Variants in PARD3B observed in about 807,000 individuals in gnomAD.
The protein encoded by PARD3B is partitioning defective 3 homolog B.
A neutral mutation model predicts 130.2 loss-of-function variants in PARD3B; 103 were observed. The observed-to-expected ratio is 0.79, with a 90% CI of 0.67 to 0.93. The LOEUF (loss-of-function observed/expected upper bound fraction) is 0.93. Ranked by LOEUF, PARD3B falls within the 40% of genes least tolerant of loss-of-function variation. The pLI is 0.00. For synonymous variants in PARD3B, 583 were observed against 553.2 expected (o/e 1.05, Z -0.76); for missense variants, 1,609 against 1,499.2 (o/e 1.07, Z -1.21).
intron 4 of PARD3B, among the ~76,000 whole-genome samples, chr2:205,073,849 A>G (rs1338572624): frequency 6.6e-6 from 1 of 152,166 alleles, no homozygotes. Flanking sequence ...AATATAAACA[A>G]TGATCCCCAG....
chr2:205,272,013 C>T (rs1294772532), intron 16 of PARD3B, among the ~76,000 whole-genome samples: 2 of 151,980 alleles, frequency 1.3e-5, no homozygotes, highest in Non-Finnish European at 2.9e-5. Context: ...CAAAAATTAG[C>T]CAGGCATGGT....
intron 11 of PARD3B, among the ~76,000 whole-genome samples, chr2:205,165,722 AAAAT>A (rs71032449): frequency 0.071 from 10,371 of 145,702 alleles, 383 homozygotes; most frequent in African/African-American, 0.09. Flanking sequence ...CTCTGTCTCA[AAAAT>A]AAATAAATAA....
At chr2:205,478,661 T>C (rs1428442282) in intron 20 of PARD3B, among the ~76,000 whole-genome samples, 3 of 152,222 alleles carry the variant, frequency 2.0e-5, no homozygotes, top group African/African-American at 7.2e-5. Context: ...GAAAACTTTA[T>C]TAATCAGAGT....
intron 21 of PARD3B, among the ~76,000 whole-genome samples, chr2:205,529,987 T>C (rs904258569): frequency 6.6e-6 from 1 of 152,042 alleles, no homozygotes; most frequent in Non-Finnish European, 1.5e-5. Flanking sequence ...TAACAGATCA[T>C]AGAGAAACTA....
intron 22 of PARD3B, among the ~76,000 whole-genome samples, chr2:205,587,829 T>G (rs558135165): frequency 1.3e-5 from 2 of 152,240 alleles, no homozygotes; most frequent in African/African-American, 2.4e-5. Flanking sequence ...CCCTTCTCTT[T>G]TCCCAGCTTC....
intron 2 of PARD3B, among the ~76,000 whole-genome samples, chr2:204,780,887 A>T (rs1354807581): frequency 6.6e-6 from 1 of 152,168 alleles, no homozygotes; most frequent in Non-Finnish European, 1.5e-5. Context: ...AAAGAAAAAA[A>T]AAAAGATATG....
At chr2:205,223,222 A>C (rs1411880713) in intron 15 of PARD3B, among the ~76,000 whole-genome samples, 1 of 152,316 alleles carries the variant, frequency 6.6e-6, no homozygotes, top group South Asian at 2.1e-4. Context: ...TGGAAAAGGT[A>C]AAAAGGGTAC....
intron 10 of PARD3B, among the ~76,000 whole-genome samples, chr2:205,133,670 T>C (rs2032217145): frequency 6.6e-6 from 1 of 152,200 alleles, no homozygotes; most frequent in African/African-American, 2.4e-5. Flanking sequence ...CTGTGAAATT[T>C]TTTAAGCCCA....
chr2:205,157,210 A>T (rs1364447928), intron 10 of PARD3B, among the ~76,000 whole-genome samples: 26 of 152,326 alleles, frequency 1.7e-4, no homozygotes, highest in Admixed American at 1.7e-3. Flanking sequence ...AATGTTATGG[A>T]TTCTAAATTG....
chr2:205,078,570 AT>A lies in PARD3B; in HGVS notation c.505-25849del, dbSNP rs1043559368. Among the ~76,000 whole-genome samples, 2 of 152,114 alleles carry A rather than the reference AT, an allele frequency of 1.3e-5. No homozygotes were observed. The highest frequency in any genetic ancestry group is 2.4e-5 in the African/African-American group (1 of 41,412). On this transcript the variant is annotated intron_variant, in intron 4 of 22. Coordinates refer to ENST00000406610, the MANE Select transcript of PARD3B (RefSeq NM_001302769.2). The surrounding 1 kb of genome is among the most constrained non-coding windows in gnomAD (Gnocchi z 4.0). The stretch of plus-strand genomic sequence containing the variant: ...GTAGTATTTTGCTTAAATTCATGTA[AT>A]TTTTTTAATCCATAGGGTAAGTGTG...
At position 205,172,337 on chromosome 2, in the gene PARD3B, A is replaced by G; in HGVS notation, c.1747A>G (p.Met583Val). 1.2e-6 allele frequency: 2 copies of G among 1,614,132 alleles called. No homozygotes were observed. The highest frequency in any genetic ancestry group is 1.7e-6 in the Non-Finnish European group (2 of 1,179,996). The change falls in exon 12 of 23, where the codon ATG becomes GTG. Residue 583 changes from methionine (M) to valine (V), a missense_variant. Physicochemically the swap from Met to Val is conservative, Grantham distance 21. Transcript: ENST00000406610. ...GTCCATGGAGGGAAACATCCGAGGG[A>G]TGATCCAGTTGGTGATTCTGAGGAG... is the stretch of plus-strand genomic sequence containing the variant. ...SMSMEGNIRG[M>V]IQLVILRRPE... is the part of the protein sequence containing the mutation.
At chr2:205,452,990 C>T (rs2048156445) in intron 20 of PARD3B, among the ~76,000 whole-genome samples, 2 of 152,104 alleles carry the variant, frequency 1.3e-5, no homozygotes, top group Admixed American at 6.6e-5. Context: ...ATGACCTGAT[C>T]CTTAGGATAT....
chr2:205,182,536 G>A (rs568141574), intron 13 of PARD3B, among the ~76,000 whole-genome samples: 31 of 151,950 alleles, frequency 2.0e-4, no homozygotes, highest in East Asian at 5.8e-4. Flanking sequence ...AGAGGAACAC[G>A]AGGAGAAAGT....
intron 18 of PARD3B, among the ~76,000 whole-genome samples, chr2:205,400,567 G>A (rs562668180): frequency 1.2e-4 from 19 of 152,048 alleles, no homozygotes; most frequent in Admixed American, 6.5e-4. Context: ...CTTGAACCCC[G>A]GGTAGCAGAG....
At position 205,258,846 on chromosome 2, in the gene PARD3B, T is replaced by A. The variant is rs1453138602; in HGVS notation, c.2185+13024T>A. On this transcript the variant is annotated intron_variant, in intron 16 of 22. Transcript: ENST00000406610. The surrounding 1 kb of genome is among the most constrained non-coding windows in gnomAD (Gnocchi z 4.9). ...AATTACTAGCATATTTAGATTTATG[T>A]TTTATTTTCAGTTTTAAATTTGGAC... Among the ~76,000 whole-genome samples the A allele has an allele frequency of 6.6e-6, 1 of 152,224 alleles. No individual in the cohort carries two copies. Among genetic ancestry groups the A allele is most frequent in the Non-Finnish European group, 1.5e-5 (1 of 68,048 alleles).
At chr2:205,189,998 A>G (rs138959570) in intron 14 of PARD3B, among the ~76,000 whole-genome samples, 2 of 152,370 alleles carry the variant, frequency 1.3e-5, no homozygotes, top group Non-Finnish European at 2.9e-5. Context: ...GGACATAATC[A>G]GATGTGTACA....
chr2:204,572,317 A>G (rs748041642), intron 1 of PARD3B, among the ~76,000 whole-genome samples: 18 of 152,128 alleles, frequency 1.2e-4, no homozygotes, highest in Non-Finnish European at 2.4e-4. Context: ...GGAGGAGGAA[A>G]AGGAGGGGAG....
Position 205,224,296 on chromosome 2 carries a change from A to C in PARD3B, c.2141-21482A>C, listed in dbSNP as rs577242271. On this transcript the variant is annotated intron_variant, in intron 15 of 22. Coordinates refer to ENST00000406610, the MANE Select transcript of PARD3B (RefSeq NM_001302769.2). ...TGAGGCAGGAGAATGGTGTGAGCCC[A>C]GGAGGTGGAGCTTGCAGTGAGCGGA... Among the ~76,000 whole-genome samples the C allele has an allele frequency of 5.4e-3, 688 of 127,018 alleles. 12 individuals carry two copies. Among genetic ancestry groups the C allele is most frequent in the African/African-American group, 0.02 (649 of 33,188 alleles). The allele number at this position is 127,018 out of a possible 152,430, so 83.3% of individuals were successfully genotyped here. A position where few individuals can be genotyped will look rare whatever the true frequency, so the allele number is the denominator to read the frequency against.
At chr2:205,243,333 C>T (rs1305443059) in intron 15 of PARD3B, among the ~76,000 whole-genome samples, 1 of 152,138 alleles carries the variant, frequency 6.6e-6, no homozygotes, top group Non-Finnish European at 1.5e-5. Context: ...CTTCTAAGTA[C>T]CTTGCATATA....
Sources: allele counts gnomAD v4.1 joint callset (sites outside exome capture counted in the v4.1 genomes callset), GRCh38; gene constraint gnomAD v4.1.1; non-coding constraint Gnocchi (gnomAD v3.1); transcripts MANE v1.5; gene names NCBI Gene and HGNC (gene_info 2026-07-23, HGNC 2026-07-21).